HSPA12A: variants seen among roughly 807,000 people sequenced by gnomAD.
HSPA12A encodes the protein heat shock protein family A (Hsp70) member 12A.
In HSPA12A, 28 loss-of-function variants were observed where a neutral mutation model predicts 69.2. The ratio of observed to expected loss-of-function variants is 0.40; its 90% CI spans 0.30 to 0.55. The LOEUF is 0.55. Ranked by LOEUF, HSPA12A falls within the 20% of genes least tolerant of loss-of-function variation. HSPA12A has a pLI of 0.38. For missense variants in HSPA12A, 686 were observed against 900.7 expected (o/e 0.76, Z 3.05); for synonymous variants, 345 against 370.5 (o/e 0.93, Z 0.79).
chr10:116,817,410 C>G (rs543924376), intron 2 of HSPA12A, among the ~76,000 whole-genome samples: 1 of 151,484 alleles, frequency 6.6e-6, no homozygotes, highest in South Asian at 2.1e-4. Flanking sequence ...TCGGCACAGC[C>G]TTCTGCGGTG....
chr10:116,674,798 C>T lies in HSPA12A; in HGVS notation c.2011G>A (p.Asp671Asn), dbSNP rs536208223. The T allele has an allele frequency of 7.5e-6, 12 of 1,605,788 alleles. No individual in the cohort carries two copies. The highest frequency in any genetic ancestry group is 2.2e-5 in the East Asian group (1 of 44,648). ...CGGGAGGGTTAGTAATTTAAGAAGT[C>T]GATCCCAACTTTGACACTCTTCGAA... is the stretch of plus-strand genomic sequence containing the variant. The part of the protein sequence containing the change: ...ATSKSVKVGI[D>N]FLNY Residue 671 changes from aspartate to asparagine, a missense_variant, in exon 12 of 12, where the codon GAC becomes AAC. Asp to Asn is a conservative substitution (Grantham distance 23). Transcript: ENST00000369209.
intron 2 of HSPA12A, chr10:116,827,394 C>T (rs1399753428): frequency 6.6e-6 from 1 of 152,330 alleles, no homozygotes; most frequent in African/African-American, 2.4e-5. Context: ...CGAGCCACTC[C>T]CAGCCACTGC....
At chr10:116,744,245 G>A (rs368628489), upstream of HSPA12A, among the ~76,000 whole-genome samples, 3 of 152,226 alleles carry the variant, frequency 2.0e-5, no homozygotes, top group South Asian at 2.1e-4. Context: ...TGGATCACCC[G>A]TCCTCTCATT....
intron 1 of HSPA12A, among the ~76,000 whole-genome samples, chr10:116,839,290 G>C (rs973717438): frequency 6.6e-6 from 1 of 152,176 alleles, no homozygotes; most frequent in African/African-American, 2.4e-5. Flanking sequence ...GATCAAGTCA[G>C]ACATTACTGA....
At chr10:116,682,715 CTT>C (rs1398651268) in intron 7 of HSPA12A, among the ~76,000 whole-genome samples, 2 of 151,870 alleles carry the variant, frequency 1.3e-5, no homozygotes, top group African/African-American at 4.8e-5. Context: ...ATTTTTTTTT[CTT>C]TGAGACGGAG....
At chr10:116,850,299 A>G (rs924355161), upstream of HSPA12A, 9 of 161,950 alleles carry the variant, frequency 5.6e-5, no homozygotes, top group Admixed American at 3.7e-4. Flanking sequence ...CCCTGGACCA[A>G]CCGTCCTTCT....
chr10:116,807,333 A>C (rs1169292880), intron 2 of HSPA12A, among the ~76,000 whole-genome samples: 1 of 151,822 alleles, frequency 6.6e-6, no homozygotes, highest in Non-Finnish European at 1.5e-5. Context: ...GCCCTCTCCA[A>C]GGGACTCTCT....
chr10:116,818,453 T>TGTCTCTCTTGGCCCCTGTAGGA (rs1845348648), intron 2 of HSPA12A, among the ~76,000 whole-genome samples: 1 of 152,040 alleles, frequency 6.6e-6, no homozygotes, highest in Non-Finnish European at 1.5e-5. Context: ...CATCATAGGT[T>TGTCTCTCTTGGCCCCTGTAGGA]GTCTCTCTTG....
chr10:116,716,913 G>A (rs1554883833), intron 1 of HSPA12A, among the ~76,000 whole-genome samples: 2 of 151,972 alleles, frequency 1.3e-5, no homozygotes, highest in Admixed American at 6.6e-5. Flanking sequence ...TCCTTCATGG[G>A]GTCAGATATT....
At chr10:116,678,844 C>T (rs1225569863) in intron 10 of HSPA12A, among the ~76,000 whole-genome samples, 1 of 152,036 alleles carries the variant, frequency 6.6e-6, no homozygotes, top group African/African-American at 2.4e-5. Flanking sequence ...AAATGTTTGA[C>T]ATGTTCCCTT....
chr10:116,698,757 A>G lies in HSPA12A; in HGVS notation c.442-18T>C, dbSNP rs1554881233. ...GTGAGGTCCTGGTAGGAGGAAGAGG[A>G]ACAATAGTAAGAAGATGACACAGGA... On this transcript the variant is annotated intron_variant, in intron 4 of 11. Transcript: ENST00000369209. 6.3e-6 allele frequency: 10 copies of G among 1,581,548 alleles called. No individual in the cohort carries two copies. Among genetic ancestry groups the G allele is most frequent in the Non-Finnish European group, 8.7e-6 (10 of 1,150,784 alleles).
At chr10:116,830,564 A>G (rs543963511) in intron 2 of HSPA12A, 1 of 152,172 alleles carries the variant, frequency 6.6e-6, no homozygotes, top group South Asian at 2.1e-4. Flanking sequence ...ACTCGAGCCT[A>G]GGAGTTTGAG....
At chr10:116,794,871 C>T (rs1844784208) in intron 2 of HSPA12A, among the ~76,000 whole-genome samples, 2 of 152,062 alleles carry the variant, frequency 1.3e-5, no homozygotes, top group African/African-American at 2.4e-5. Context: ...TTAAGAAATA[C>T]ATTTTTAAAT....
chr10:116,847,174 T>C (rs1217224966), intron 1 of HSPA12A, among the ~76,000 whole-genome samples: 1 of 152,198 alleles, frequency 6.6e-6, no homozygotes, highest in African/African-American at 2.4e-5. Context: ...ACTGATCCTA[T>C]TTCCGTTAAC....
intron 2 of HSPA12A, chr10:116,831,728 T>C (rs1845618990): frequency 6.6e-6 from 1 of 152,186 alleles, no homozygotes. Context: ...TTCAAAAGGT[T>C]TTTGTTTTAG....
At chr10:116,780,765 G>A (rs1286649702) in intron 2 of HSPA12A, among the ~76,000 whole-genome samples, 1 of 152,132 alleles carries the variant, frequency 6.6e-6, no homozygotes, top group African/African-American at 2.4e-5. Flanking sequence ...TAATTTTTAA[G>A]TGGATATTTC....
intron 1 of HSPA12A, chr10:116,849,534 G>T (rs888956007): frequency 6.7e-7 from 1 of 1,488,274 alleles, no homozygotes; most frequent in East Asian, 2.5e-5. Flanking sequence ...GGGACCCCAG[G>T]CTAAACCCCG....
chr10:116,827,055 G>A (rs560581676), intron 2 of HSPA12A, among the ~76,000 whole-genome samples: 1 of 152,184 alleles, frequency 6.6e-6, no homozygotes, highest in Non-Finnish European at 1.5e-5. Context: ...CGCAGATGTT[G>A]GCTGAATGAA....
At chr10:116,690,545 C>T (rs529614419) in intron 6 of HSPA12A, among the ~76,000 whole-genome samples, 18 of 152,338 alleles carry the variant, frequency 1.2e-4, no homozygotes, top group African/African-American at 2.6e-4. Context: ...TAGCCAGCAT[C>T]GAGGAAACAG....
Sources: allele counts gnomAD v4.1 joint callset (sites outside exome capture counted in the v4.1 genomes callset), GRCh38; gene constraint gnomAD v4.1.1; transcripts MANE v1.5; gene names NCBI Gene and HGNC (gene_info 2026-07-23, HGNC 2026-07-21).